Variants in CSMD1 observed in about 807,000 individuals in gnomAD.
The protein encoded by CSMD1 is CUB and sushi domain-containing protein 1.
CSMD1 carries 213 observed loss-of-function variants against 417.5 expected under a neutral mutation model. The ratio of observed to expected loss-of-function variants is 0.51; its 90% CI spans 0.46 to 0.57. The LOEUF is 0.57. Ranked by LOEUF, CSMD1 falls within the 20% of genes least tolerant of loss-of-function variation. CSMD1 has a pLI of 0.00. For missense variants in CSMD1, 6,923 were observed against 4,529.7 expected (o/e 1.53, Z -15.17); for synonymous variants, 2,862 against 1,736.8 (o/e 1.65, Z -16.11).
chr8:4,930,369 G>GCA (rs370447060), intron 1 of CSMD1, among the ~76,000 whole-genome samples: 5 of 151,076 alleles, frequency 3.3e-5, no homozygotes, highest in Non-Finnish European at 5.9e-5. Flanking sequence ...ATAGGTGCGC[G>GCA]CACACACACA....
At chr8:3,214,101 C>G (rs1364396162) in intron 30 of CSMD1, among the ~76,000 whole-genome samples, 1 of 151,978 alleles carries the variant, frequency 6.6e-6, no homozygotes, top group Non-Finnish European at 1.5e-5. Flanking sequence ...GCCTCAGCCT[C>G]TTGAAGTGCT....
intron 2 of CSMD1, among the ~76,000 whole-genome samples, chr8:4,435,760 G>C (rs1306629072): frequency 1.3e-5 from 2 of 152,128 alleles, no homozygotes; most frequent in South Asian, 2.1e-4. Context: ...ACAATAAAAA[G>C]TACCATACCT....
At chr8:4,400,280 T>G (rs140129432) in intron 3 of CSMD1, among the ~76,000 whole-genome samples, 35 of 152,312 alleles carry the variant, frequency 2.3e-4, no homozygotes, top group African/African-American at 7.5e-4. Flanking sequence ...TTAAAATAAG[T>G]AAGATACTAG....
intron 4 of CSMD1, among the ~76,000 whole-genome samples, chr8:4,028,344 T>G (rs1006038571): frequency 6.6e-6 from 1 of 152,126 alleles, no homozygotes; most frequent in African/African-American, 2.4e-5. Context: ...TGCCTACTTA[T>G]GAAGATTAAA....
At chr8:3,715,420 T>A (rs1002257777) in intron 6 of CSMD1, among the ~76,000 whole-genome samples, 1 of 152,200 alleles carries the variant, frequency 6.6e-6, no homozygotes, top group Admixed American at 6.5e-5. Flanking sequence ...AAAATGTGGT[T>A]CCGTCATTTT....
chr8:3,545,582 A>G (rs1175887995), intron 10 of CSMD1, among the ~76,000 whole-genome samples: 1 of 152,096 alleles, frequency 6.6e-6, no homozygotes, highest in Non-Finnish European at 1.5e-5. Flanking sequence ...CTTTACCATG[A>G]AGGCTACTTA....
intron 41 of CSMD1, among the ~76,000 whole-genome samples, chr8:3,133,673 G>A (rs768163902): frequency 1.7e-4 from 26 of 152,132 alleles, no homozygotes; most frequent in Non-Finnish European, 8.8e-5. Context: ...TGTGATCAGA[G>A]GTAGGCGAAG....
At chr8:4,141,452 G>A (rs1048187402) in intron 3 of CSMD1, among the ~76,000 whole-genome samples, 1 of 151,146 alleles carries the variant, frequency 6.6e-6, no homozygotes, top group African/African-American at 2.5e-5. Context: ...GCATTTCACG[G>A]TTTAACACTG....
intron 5 of CSMD1, among the ~76,000 whole-genome samples, chr8:3,962,281 C>T (rs546908259): frequency 6.6e-6 from 1 of 151,428 alleles, no homozygotes; most frequent in Non-Finnish European, 1.5e-5. Context: ...TGTCCTGGAA[C>T]TGCCCTACAC....
chr8:3,940,995 G>A (rs771690656), intron 5 of CSMD1, among the ~76,000 whole-genome samples: 46 of 150,276 alleles, frequency 3.1e-4, no homozygotes, highest in Middle Eastern at 3.5e-3. Context: ...ATTTTTTGGA[G>A]GCATAATAGA....
intron 5 of CSMD1, among the ~76,000 whole-genome samples, chr8:3,942,526 A>T (rs1330713946): frequency 6.6e-6 from 1 of 152,180 alleles, no homozygotes; most frequent in Non-Finnish European, 1.5e-5. Context: ...TCAACCCAGG[A>T]GGACACCGGT....
At chr8:4,313,143 C>G (rs968850374) in intron 3 of CSMD1, among the ~76,000 whole-genome samples, 5 of 152,134 alleles carry the variant, frequency 3.3e-5, no homozygotes, top group Admixed American at 6.5e-5. Context: ...AGTGAGCAAG[C>G]TGGAACTGGT....
intron 10 of CSMD1, among the ~76,000 whole-genome samples, chr8:3,511,084 C>T (rs7010023): frequency 0.58 from 87,443 of 151,388 alleles, 26,019 homozygotes; most frequent in African/African-American, 0.69. Context: ...TTTGCAGGGA[C>T]ATGGATGAAG....
In CSMD1 at chr8:3,196,197, T is replaced by A. The variant is rs1033127645; in HGVS notation, c.5194+3517A>T. Among the ~76,000 whole-genome samples, 9 of 152,164 alleles carry A rather than the reference T, an allele frequency of 5.9e-5. No homozygotes were observed. The East Asian group carries it at 1.5e-3, about 26-fold the overall frequency. On this transcript the variant is annotated intron_variant, in intron 33 of 69. Transcript: ENST00000635120. Reference sequence around the variant, plus strand: ...CTAAAAGACACTCCCACCAGCACGATGACAGTTTACAAATGCCATGGCAAT... The same window carrying A: ...CTAAAAGACACTCCCACCAGCACGAAGACAGTTTACAAATGCCATGGCAAT...
At chr8:3,980,518 T>C (rs1813774622) in intron 5 of CSMD1, among the ~76,000 whole-genome samples, 1 of 148,502 alleles carries the variant, frequency 6.7e-6, no homozygotes, top group Non-Finnish European at 1.5e-5. Context: ...TCTATGTTGT[T>C]TATGCCATTT....
At chr8:4,043,346 CA>C (rs1563356030) in intron 3 of CSMD1, among the ~76,000 whole-genome samples, 1 of 151,960 alleles carries the variant, frequency 6.6e-6, no homozygotes, top group African/African-American at 2.4e-5. Context: ...ATGAGAAATA[CA>C]AAGCAAACTG....
At chr8:4,375,044 A>T (rs1802643845) in intron 3 of CSMD1, among the ~76,000 whole-genome samples, 1 of 151,494 alleles carries the variant, frequency 6.6e-6, no homozygotes, top group East Asian at 2.0e-4. Context: ...TGTGAAGATT[A>T]AGAGGCTGTT....
intron 5 of CSMD1, among the ~76,000 whole-genome samples, chr8:3,799,711 C>T (rs1035241134): frequency 8.6e-5 from 13 of 151,968 alleles, no homozygotes; most frequent in African/African-American, 3.1e-4. Context: ...GCCAGCTGAA[C>T]GTTTGACATT....
intron 6 of CSMD1, among the ~76,000 whole-genome samples, chr8:3,725,980 G>C (rs916871102): frequency 6.6e-6 from 1 of 152,140 alleles, no homozygotes; most frequent in East Asian, 1.9e-4. Context: ...AAGTAATTGT[G>C]TGTGACTACG....
Sources: gnomAD v4.1 joint callset for allele counts (sites outside exome capture counted in the v4.1 genomes callset) on GRCh38, gnomAD v4.1.1 for gene constraint, MANE v1.5 for transcripts, NCBI Gene and HGNC (gene_info 2026-07-23, HGNC 2026-07-21) for gene names.